Variants in PPM1H observed in about 807,000 individuals in gnomAD.
PPM1H encodes protein phosphatase, Mg2+/Mn2+ dependent 1H.
Under a neutral mutation model 54.9 loss-of-function variants are expected in PPM1H, and 27 were observed. The ratio of observed to expected loss-of-function variants is 0.49; its 90% CI spans 0.36 to 0.68. PPM1H has a LOEUF of 0.68. PPM1H is among the 30% of genes least tolerant of loss of function. PPM1H has a pLI of 0.00. For missense variants in PPM1H, 596 were observed against 667.8 expected, an observed-to-expected ratio of 0.89 and a Z score of 1.19; for synonymous variants, 305 against 270.8, an observed-to-expected ratio of 1.13 and a Z score of -1.24.
At chr12:62,852,066 T>C (rs1869210089) in intron 1 of PPM1H, among the ~76,000 whole-genome samples, 3 of 151,130 alleles carry the variant, frequency 2.0e-5, no homozygotes. Flanking sequence ...CTGTCTCTAC[T>C]AAAAATACAA....
chr12:62,920,465 C>T (rs1284544498), intron 1 of PPM1H, among the ~76,000 whole-genome samples: 1 of 150,082 alleles, frequency 6.7e-6, no homozygotes, highest in African/African-American at 2.5e-5. Context: ...TAGCTGGTAC[C>T]ACAGGTGCAC....
chr12:62,839,526 G>A (rs1452617941), intron 1 of PPM1H, among the ~76,000 whole-genome samples: 3 of 152,018 alleles, frequency 2.0e-5, no homozygotes, highest in Non-Finnish European at 2.9e-5. Flanking sequence ...TGACTCCCGC[G>A]AGATAGGACA....
intron 1 of PPM1H, 113 bp from the exon 2 acceptor site, chr12:62,832,392 G>A (rs1211906375): frequency 3.1e-6 from 3 of 959,872 alleles, no homozygotes; most frequent in Non-Finnish European, 4.6e-6. Context: ...CTACAGCCCT[G>A]CTTAATGCTA....
At chr12:62,761,750 T>A (rs2076510755) in intron 4 of PPM1H, among the ~76,000 whole-genome samples, 1 of 152,184 alleles carries the variant, frequency 6.6e-6, no homozygotes, top group Non-Finnish European at 1.5e-5. Context: ...TGGAGCTGGC[T>A]GGCTTAGTGT....
intron 1 of PPM1H, among the ~76,000 whole-genome samples, chr12:62,837,431 T>C (rs1179763554): frequency 6.6e-6 from 1 of 152,192 alleles, no homozygotes; most frequent in Non-Finnish European, 1.5e-5. Flanking sequence ...TTTTTGAAGG[T>C]TTCCCATGTG....
chr12:62,839,055 G>T (rs1868621364), intron 1 of PPM1H, among the ~76,000 whole-genome samples: 1 of 151,954 alleles, frequency 6.6e-6, no homozygotes, highest in South Asian at 2.1e-4. Flanking sequence ...AAGAAAGGAT[G>T]GTATAAAATG....
intron 2 of PPM1H, among the ~76,000 whole-genome samples, chr12:62,821,120 C>G (rs12818081): frequency 0.082 from 12,412 of 152,024 alleles, 561 homozygotes; most frequent in South Asian, 0.19. Flanking sequence ...AACTACGTAA[C>G]GCATGCACAA....
chr12:62,654,353 C>T (rs1211373123), intron 9 of PPM1H, among the ~76,000 whole-genome samples: 1 of 152,050 alleles, frequency 6.6e-6, no homozygotes, highest in Non-Finnish European at 1.5e-5. Flanking sequence ...TGGCCTTCCT[C>T]CAGAAACACT....
At chr12:62,756,523 T>C (rs752455290) in intron 4 of PPM1H, among the ~76,000 whole-genome samples, 3 of 152,134 alleles carry the variant, frequency 2.0e-5, no homozygotes, top group Non-Finnish European at 4.4e-5. Flanking sequence ...AACATGTACA[T>C]GAACGTATTT....
At chr12:62,770,881 A>G (rs1210418476) in intron 4 of PPM1H, among the ~76,000 whole-genome samples, 2 of 152,142 alleles carry the variant, frequency 1.3e-5, no homozygotes, top group Non-Finnish European at 2.9e-5. Flanking sequence ...ACCACTGGAA[A>G]AGAAAAGCAA....
At chr12:62,837,560 A>G (rs549756613) in intron 1 of PPM1H, among the ~76,000 whole-genome samples, 1 of 152,338 alleles carries the variant, frequency 6.6e-6, no homozygotes, top group South Asian at 2.1e-4. Flanking sequence ...CAATGGTTGG[A>G]GAGAACTGAT....
intron 5 of PPM1H, among the ~76,000 whole-genome samples, chr12:62,727,637 A>ATACTATTATTATTATTAT (rs1555192229): frequency 7.2e-6 from 1 of 139,814 alleles, no homozygotes; most frequent in Admixed American, 7.3e-5. Flanking sequence ...TAAAATGCAA[A>ATACTATTATTATTATTAT]TATTATTATT....
At chr12:62,742,667 T>A (rs79479663) in intron 4 of PPM1H, among the ~76,000 whole-genome samples, 5,806 of 152,318 alleles carry the variant, frequency 0.038, 137 homozygotes, top group Middle Eastern at 0.068. Flanking sequence ...CCAAATGCCG[T>A]GGCTGCGAGG....
rs548715336 is a variant in PPM1H, at chr12:62,900,406, G to C, written c.245+34086C>G. Among the ~76,000 whole-genome samples the C allele has an allele frequency of 1.8e-4, 27 of 152,016 alleles. 1 individual carries two copies. In the East Asian group the frequency reaches 5.0e-3, roughly 28 times the overall value. Reference sequence around the variant, plus strand: ...CTGTTGTGGGGTGGGGTAGGGGGGAGGGATAGTATTAGGAGATATACCTAA... The same window carrying C: ...CTGTTGTGGGGTGGGGTAGGGGGGACGGATAGTATTAGGAGATATACCTAA... On this transcript the variant is annotated intron_variant, in intron 1 of 9. Transcript: ENST00000228705.
chr12:62,888,250 T>C (rs1870661949), intron 1 of PPM1H, among the ~76,000 whole-genome samples: 1 of 151,934 alleles, frequency 6.6e-6, no homozygotes, highest in African/African-American at 2.4e-5. Flanking sequence ...ATTTATAAAA[T>C]GGAGGGAGAG....
At chr12:62,924,175 A>G (rs1225263003) in intron 1 of PPM1H, among the ~76,000 whole-genome samples, 1 of 152,236 alleles carries the variant, frequency 6.6e-6, no homozygotes, top group Non-Finnish European at 1.5e-5. Context: ...AATGCAGTTC[A>G]ATGACCCCAT....
intron 1 of PPM1H, among the ~76,000 whole-genome samples, chr12:62,880,552 C>T (rs190755785): frequency 2.6e-5 from 4 of 152,294 alleles, no homozygotes; most frequent in South Asian, 2.1e-4. Flanking sequence ...CCCCAGTGCA[C>T]GTCGTGATTA....
At chr12:62,746,194 C>CAA (rs369594379) in intron 4 of PPM1H, among the ~76,000 whole-genome samples, 1 of 148,414 alleles carries the variant, frequency 6.7e-6, no homozygotes, top group African/African-American at 2.5e-5. Context: ...GATCCTGTCT[C>CAA]AAAAAAAAAA....
At chr12:62,692,007 T>C (rs2136639837) in intron 7 of PPM1H, among the ~76,000 whole-genome samples, 1 of 152,296 alleles carries the variant, frequency 6.6e-6, no homozygotes, top group Admixed American at 6.5e-5. Flanking sequence ...AATCTGATGT[T>C]TCTGCTAGTG....
Sources: gnomAD v4.1 joint callset for allele counts (sites outside exome capture counted in the v4.1 genomes callset) on GRCh38, gnomAD v4.1.1 for gene constraint, MANE v1.5 for transcripts, NCBI Gene and HGNC (gene_info 2026-07-23, HGNC 2026-07-21) for gene names.